The following IPCEF1 variants were observed in gnomAD, a reference collection of about 807,000 sequenced individuals.
IPCEF1 encodes interactor protein for cytohesin exchange factors 1.
A neutral mutation model predicts 50.9 loss-of-function variants in IPCEF1; 31 were observed. That is an observed-to-expected ratio of 0.61 (90% CI 0.46 to 0.82). The LOEUF (loss-of-function observed/expected upper bound fraction) is 0.82, where lower values mean the gene tolerates loss of function less well. Among genes scored for constraint, IPCEF1 ranks in the 40% least tolerant of loss-of-function variants. IPCEF1 has a pLI of 0.00. For missense variants in IPCEF1, 458 were observed against 514.0 expected, an observed-to-expected ratio of 0.89 and a Z score of 1.05; for synonymous variants, 181 against 192.0, an observed-to-expected ratio of 0.94 and a Z score of 0.47.
chr6:154,298,096 G>A (rs142945668), intron 1 of IPCEF1, among the ~76,000 whole-genome samples: 1 of 152,110 alleles, frequency 6.6e-6, no homozygotes, highest in African/African-American at 2.4e-5. Context: ...AGGTTCAATG[G>A]GTAGGGTTAT....
At chr6:154,196,121 A>T (rs1776607946) in intron 10 of IPCEF1, among the ~76,000 whole-genome samples, 1 of 152,184 alleles carries the variant, frequency 6.6e-6, no homozygotes, top group Admixed American at 6.5e-5. Flanking sequence ...ACTTTAGCAC[A>T]AAGTACATCA....
intron 11 of IPCEF1, among the ~76,000 whole-genome samples, chr6:154,164,023 T>C (rs1355287994): frequency 6.6e-6 from 1 of 152,212 alleles, no homozygotes; most frequent in South Asian, 2.1e-4. Flanking sequence ...CAAAACAACT[T>C]TTCCAAAACA....
At chr6:154,237,449 A>G (rs1021319387) in intron 5 of IPCEF1, among the ~76,000 whole-genome samples, 4 of 152,246 alleles carry the variant, frequency 2.6e-5, no homozygotes, top group Non-Finnish European at 5.9e-5. Context: ...CATTCCTGGT[A>G]TCTGAAAATT....
chr6:154,243,672 A>C (rs1260737321), intron 5 of IPCEF1, among the ~76,000 whole-genome samples: 1 of 152,156 alleles, frequency 6.6e-6, no homozygotes, highest in African/African-American at 2.4e-5. Flanking sequence ...AAGGCAGAAA[A>C]CAGGGTGGTC....
chr6:154,235,593 A>G (rs930819698), intron 5 of IPCEF1, among the ~76,000 whole-genome samples: 14 of 151,898 alleles, frequency 9.2e-5, no homozygotes, highest in African/African-American at 3.1e-4. Context: ...CACAGTCAGT[A>G]CAACACATAA....
chr6:154,347,179 C>T (rs1250868964), intron 1 of IPCEF1, among the ~76,000 whole-genome samples: 2 of 152,206 alleles, frequency 1.3e-5, no homozygotes. Context: ...GGTGGACAAG[C>T]ACAAAGCAAC....
intron 1 of IPCEF1, among the ~76,000 whole-genome samples, chr6:154,308,255 T>C (rs1433109691): frequency 6.6e-6 from 1 of 152,214 alleles, no homozygotes; most frequent in Non-Finnish European, 1.5e-5. Context: ...GCTGGGACTA[T>C]TGGTGCGTGC....
chr6:154,265,813 G>A (rs1781740813), intron 3 of IPCEF1, 99 bp downstream of exon 3: 3 of 806,692 alleles, frequency 3.7e-6, no homozygotes, highest in South Asian at 1.7e-5. Flanking sequence ...TGAAATTGAG[G>A]ACAATAAATT....
chr6:154,322,399 CA>C (rs869249338), intron 1 of IPCEF1, among the ~76,000 whole-genome samples: 32,093 of 151,760 alleles, frequency 0.21, 3,731 homozygotes, highest in East Asian at 0.34. Flanking sequence ...CACACACACA[CA>C]CACCCCTATG....
At chr6:154,321,778 TAAAAAAAAA>T (rs61648946) in intron 1 of IPCEF1, among the ~76,000 whole-genome samples, 13 of 51,932 alleles carry the variant, frequency 2.5e-4, no homozygotes, top group African/African-American at 5.9e-4. Flanking sequence ...AGACTCTTTC[TAAAAAAAAA>T]AAAAAAAAAA....
chr6:154,281,238 A>G (rs992908071), intron 2 of IPCEF1, among the ~76,000 whole-genome samples: 1 of 149,252 alleles, frequency 6.7e-6, no homozygotes, highest in African/African-American at 2.5e-5. Flanking sequence ...CTGTAATCCC[A>G]GCTACTTGGG....
intron 5 of IPCEF1, among the ~76,000 whole-genome samples, 157 bp from the exon 6 acceptor site, chr6:154,223,400 A>T (rs1779015835): frequency 2.0e-5 from 3 of 152,214 alleles, no homozygotes; most frequent in Admixed American, 6.5e-5. Flanking sequence ...TCCCAGATAC[A>T]CAGCTCATGA....
At chr6:154,347,435 C>T (rs1166373222) in intron 1 of IPCEF1, among the ~76,000 whole-genome samples, 1 of 152,182 alleles carries the variant, frequency 6.6e-6, no homozygotes, top group Non-Finnish European at 1.5e-5. Context: ...AACAGCACTT[C>T]CTAGAGCTAT....
At chr6:154,233,120 C>T (rs1190420451) in intron 5 of IPCEF1, among the ~76,000 whole-genome samples, 2 of 151,938 alleles carry the variant, frequency 1.3e-5, no homozygotes, top group East Asian at 1.9e-4. Flanking sequence ...AGGCATGTGC[C>T]GCCACGCCCA....
At chr6:154,276,288 A>AAAAG (rs879552949) in intron 2 of IPCEF1, among the ~76,000 whole-genome samples, 8 of 118,178 alleles carry the variant, frequency 6.8e-5, no homozygotes, top group Non-Finnish European at 1.2e-4. Context: ...GAAAAGAAAA[A>AAAAG]AAAAGAAAAG....
chr6:154,162,389 T>C (rs1298158055), intron 11 of IPCEF1, among the ~76,000 whole-genome samples: 10 of 152,228 alleles, frequency 6.6e-5, no homozygotes. Context: ...CATCAGGGTT[T>C]GGCCCCCACC....
intron 1 of IPCEF1, among the ~76,000 whole-genome samples, chr6:154,331,542 T>C (rs1030632023): frequency 1.3e-5 from 2 of 151,338 alleles, no homozygotes; most frequent in Non-Finnish European, 2.9e-5. Flanking sequence ...GAAGAAATAA[T>C]AATATAATAA....
intron 2 of IPCEF1, among the ~76,000 whole-genome samples, chr6:154,278,207 T>G (rs1782113097): frequency 6.6e-6 from 1 of 152,172 alleles, no homozygotes; most frequent in Non-Finnish European, 1.5e-5. Flanking sequence ...TTAACAGATA[T>G]GTTTAATTGC....
intron 9 of IPCEF1, among the ~76,000 whole-genome samples, chr6:154,202,609 T>C (rs1777161865): frequency 6.6e-6 from 1 of 152,212 alleles, no homozygotes; most frequent in African/African-American, 2.4e-5. Context: ...AATTAGATTA[T>C]AGCAAACTGG....
Sources: gnomAD v4.1 joint callset for allele counts (sites outside exome capture counted in the v4.1 genomes callset) on GRCh38, gnomAD v4.1.1 for gene constraint, MANE v1.5 for transcripts, NCBI Gene and HGNC (gene_info 2026-07-23, HGNC 2026-07-21) for gene names.